MGST1: variants seen among roughly 807,000 people sequenced by gnomAD.
MGST1 encodes the protein microsomal glutathione S-transferase 1.
Under a neutral mutation model 8.9 loss-of-function variants are expected in MGST1, and 5 were observed. The ratio of observed to expected loss-of-function variants is 0.56; its 90% confidence interval spans 0.29 to 1.19. The LOEUF is 1.19. Ranked by LOEUF, MGST1 falls within the 50% of genes most tolerant of loss-of-function variation. The pLI is 0.08. For synonymous variants in MGST1, 54 were observed against 67.8 expected, an observed-to-expected ratio of 0.80 and a Z score of 1.00; for missense variants, 182 against 187.4, an observed-to-expected ratio of 0.97 and a Z score of 0.17.
chr12:16,407,111 G>T (rs1940702806), intron 1 of MGST1, among the ~76,000 whole-genome samples: 1 of 152,152 alleles, frequency 6.6e-6, no homozygotes, highest in African/African-American at 2.4e-5. Context: ...ACTATCAACA[G>T]AGTGAAGAGA....
At position 16,543,988 on chromosome 12, in the gene MGST1, G is replaced by A. The variant is rs1941807222; in HGVS notation, n.483-45540G>A. ...ATTGACATCTCAGTGTCCAACTAGTGTAAAACACTCATACTCTTCCTAAGT... is the reference window on the plus strand; with the variant it reads ...ATTGACATCTCAGTGTCCAACTAGTATAAAACACTCATACTCTTCCTAAGT... On this transcript the variant is annotated intron_variant and non_coding_transcript_variant, in intron 4 of 4. Transcript: ENST00000538857. Among the ~76,000 whole-genome samples the A allele has an allele frequency of 2.0e-5, 3 of 151,992 alleles. No individual in the cohort carries two copies. In the South Asian group the frequency reaches 6.2e-4, roughly 32 times the overall value.
intron 4 of MGST1, among the ~76,000 whole-genome samples, chr12:16,580,800 T>C: frequency 6.6e-6 from 1 of 152,202 alleles, no homozygotes; most frequent in East Asian, 1.9e-4. Flanking sequence ...ATCTCTATTG[T>C]TAAATTTTTC....
intron 1 of MGST1, among the ~76,000 whole-genome samples, chr12:16,431,777 A>G (rs1181239171): frequency 6.6e-6 from 1 of 152,196 alleles, no homozygotes; most frequent in East Asian, 1.9e-4. Flanking sequence ...TTATGTTGAT[A>G]GACTTTTTTG....
Position 16,546,397 on chromosome 12 carries a change from A to G in MGST1, n.483-43131A>G, listed in dbSNP as rs1941823942. 6.6e-6 allele frequency among the ~76,000 whole-genome samples: 1 copy of G among 152,104 alleles called. No individual in the cohort carries two copies. The highest frequency in any genetic ancestry group is 2.4e-5 in the African/African-American group (1 of 41,424). ...CCGGTGATACCAATTTCGAGTATTC[A>G]GCTTCTGAGTCCAGAATACCAATTG... On this transcript the variant is annotated intron_variant and non_coding_transcript_variant, in intron 4 of 4. Coordinates refer to the MGST1 transcript ENST00000538857. The surrounding 1 kb of genome is among the most constrained non-coding windows in gnomAD (Gnocchi z 4.7).
chr12:16,551,864 T>G lies in MGST1; in HGVS notation n.483-37664T>G, dbSNP rs576170351. On this transcript the variant is annotated intron_variant and non_coding_transcript_variant, in intron 4 of 4. Coordinates refer to the MGST1 transcript ENST00000538857. ...TGATTAAATGTTAGTAATCTAGAAGTGATCATTCTGAAATGAAAGTTGCTC... is the reference window on the plus strand; with the variant it reads ...TGATTAAATGTTAGTAATCTAGAAGGGATCATTCTGAAATGAAAGTTGCTC... 1.3e-3 allele frequency among the ~76,000 whole-genome samples: 195 copies of G among 152,142 alleles called. 1 individual carries two copies. Among genetic ancestry groups the G allele is most frequent in the African/African-American group, 4.5e-3 (185 of 41,568 alleles).
chr12:16,354,157 G>A, intron 1 of MGST1, 74 bp from the exon 2 acceptor site: 2 of 1,075,072 alleles, frequency 1.9e-6, no homozygotes, highest in Non-Finnish European at 2.6e-6. Context: ...TGCAATATAA[G>A]AACATCAAAT....
At chr12:16,403,056 T>C (rs1029620325) in intron 1 of MGST1, among the ~76,000 whole-genome samples, 8 of 151,942 alleles carry the variant, frequency 5.3e-5, no homozygotes, top group Admixed American at 5.2e-4. Flanking sequence ...TGACTTGATA[T>C]AATCATTTTT....
At chr12:16,353,757 C>T (rs370106204) in intron 1 of MGST1, among the ~76,000 whole-genome samples, 14 of 111,484 alleles carry the variant, frequency 1.3e-4, no homozygotes, top group African/African-American at 4.0e-4. Context: ...ATATTGCATA[C>T]TTTTTTTTTT....
At chr12:16,562,242 C>T (rs1300530234) in intron 4 of MGST1, among the ~76,000 whole-genome samples, 2 of 152,100 alleles carry the variant, frequency 1.3e-5, no homozygotes, top group Non-Finnish European at 2.9e-5. Flanking sequence ...TTAACATGAT[C>T]TGCTTAGGAG....
At chr12:16,479,738 G>A (rs1185329670) in intron 4 of MGST1, among the ~76,000 whole-genome samples, 1 of 151,726 alleles carries the variant, frequency 6.6e-6, no homozygotes, top group East Asian at 1.9e-4. Flanking sequence ...GTCTCACTGT[G>A]TTGCCTGGGC....
At chr12:16,568,956 C>A (rs1439048699) in intron 4 of MGST1, among the ~76,000 whole-genome samples, 1 of 152,092 alleles carries the variant, frequency 6.6e-6, no homozygotes, top group African/African-American at 2.4e-5. Flanking sequence ...TTTTTTCTAA[C>A]TTGAAACTTA....
In MGST1 at chr12:16,410,976, A is replaced by T. The variant is rs1023968302; in HGVS notation, n.779-26412A>T. Among the ~76,000 whole-genome samples the T allele has an allele frequency of 3.1e-4, 47 of 152,058 alleles. No individual in the cohort carries two copies. Among genetic ancestry groups the T allele is most frequent in the Non-Finnish European group, 8.8e-5 (6 of 68,032 alleles). On this transcript the variant is annotated intron_variant and non_coding_transcript_variant, in intron 1 of 1. Coordinates refer to the MGST1 transcript ENST00000359720. The surrounding 1 kb of genome is among the most constrained non-coding windows in gnomAD (Gnocchi z 4.4). ...CTTTTTTCTGACATGGAACCTTTGA[A>T]TGTACCTTTCCCTCTGCCTGCAATG...
chr12:16,401,571 G>C lies in MGST1; in HGVS notation n.778+17967G>C. ...CAGCCATCAAAGTGCGAACAGGTTG[G>C]AGCAATAAGACTCGAAGCGAATACC... On this transcript the variant is annotated intron_variant and non_coding_transcript_variant, in intron 1 of 1. Coordinates refer to the MGST1 transcript ENST00000359720. This position sits in a 1 kb window ranked among gnomAD's most constrained non-coding sequence, Gnocchi z 4.3. 7.8e-7 allele frequency: 1 copy of C among 1,288,244 alleles called. No homozygotes were observed. Among genetic ancestry groups the C allele is most frequent in the East Asian group, 2.3e-5 (1 of 43,366 alleles). The allele number at this position is 1,288,244 out of a possible 1,614,324, so 79.8% of individuals were successfully genotyped here.
At position 16,458,152 on chromosome 12, in the gene MGST1, T is replaced by C. The variant is rs1165296691; in HGVS notation, n.482+74548T>C. On this transcript the variant is annotated intron_variant and non_coding_transcript_variant, in intron 4 of 4. Transcript: ENST00000538857. This position sits in a 1 kb window ranked among gnomAD's most constrained non-coding sequence, Gnocchi z 4.0. ...CCGAGGGTTACTGCATATTAATACT[T>C]TGGGAATAAAGATGGGAATGTTGTG... Among the ~76,000 whole-genome samples, 1 of 151,890 alleles carries C rather than the reference T, an allele frequency of 6.6e-6. No individual in the cohort carries two copies. Among genetic ancestry groups the C allele is most frequent in the African/African-American group, 2.4e-5 (1 of 41,362 alleles).
rs535657802 is a variant in MGST1 at position 16,489,516 on chromosome 12, G to A, written n.483-100012G>A. 6.5e-4 allele frequency among the ~76,000 whole-genome samples: 99 copies of A among 152,254 alleles called. 1 individual carries two copies. In the South Asian group the frequency reaches 0.019, roughly 29 times the overall value. ...TCAGCCTTGCAAAGTATTCATCACT[G>A]TTTTGGATTTCTACAATGGCAAGTT... On this transcript the variant is annotated intron_variant and non_coding_transcript_variant, in intron 4 of 4. Transcript: ENST00000538857.
chr12:16,574,662 G>T (rs981949901), intron 4 of MGST1, among the ~76,000 whole-genome samples: 1 of 152,122 alleles, frequency 6.6e-6, no homozygotes. Flanking sequence ...TCCTATCTGT[G>T]CTCTGTTAAC....
At position 16,384,816 on chromosome 12, in the gene MGST1, C is replaced by T. The variant is rs138095184; in HGVS notation, n.778+1212C>T. On this transcript the variant is annotated intron_variant and non_coding_transcript_variant, in intron 1 of 1. Coordinates refer to the MGST1 transcript ENST00000359720. ...GAGAAAACCCCTAAGTATCTCTTGA[C>T]GTACTTTTGTACGCAGCTTCCTGGA... is the stretch of plus-strand genomic sequence containing the variant. 2.0e-3 allele frequency among the ~76,000 whole-genome samples: 306 copies of T among 152,340 alleles called. 2 individuals carry two copies. The highest frequency in any genetic ancestry group is 7.0e-3 in the African/African-American group (292 of 41,580).
intron 4 of MGST1, among the ~76,000 whole-genome samples, chr12:16,459,440 A>G (rs1941203014): frequency 6.6e-6 from 1 of 152,144 alleles, no homozygotes; most frequent in Non-Finnish European, 1.5e-5. Context: ...GATAAACATT[A>G]TTTCCTTTCT....
rs904650429 is a variant in MGST1 at position 16,402,331 on chromosome 12, G to A, written n.778+18727G>A. ...CCCACTGATGCAACAATGGCTCAACGTTGGCATACTCATCTTCTCCTTTCT... is the reference window on the plus strand; with the variant it reads ...CCCACTGATGCAACAATGGCTCAACATTGGCATACTCATCTTCTCCTTTCT... On this transcript the variant is annotated intron_variant and non_coding_transcript_variant, in intron 1 of 1. Coordinates refer to the MGST1 transcript ENST00000359720. The A allele has an allele frequency of 5.4e-5, 87 of 1,596,918 alleles. No individual in the cohort carries two copies. In the East Asian group the frequency reaches 1.7e-3, roughly 30 times the overall value.
Sources: allele counts gnomAD v4.1 joint callset (sites outside exome capture counted in the v4.1 genomes callset), GRCh38; gene constraint gnomAD v4.1.1; non-coding constraint Gnocchi (gnomAD v3.1); transcripts MANE v1.5; gene names NCBI Gene and HGNC (gene_info 2026-07-23, HGNC 2026-07-21).